Variants in COCH observed in about 807,000 individuals in gnomAD.
The protein encoded by COCH is coagulation factor C homolog, cochlin (Limulus polyphemus).
In COCH, 40 loss-of-function variants were observed where a neutral mutation model predicts 54.8. That is an observed-to-expected ratio of 0.73 (90% CI 0.57 to 0.95). The LOEUF (loss-of-function observed/expected upper bound fraction) is 0.95. COCH is among the 40% of genes least tolerant of loss of function. The probability of loss-of-function intolerance (pLI) is 0.00; values close to 1 mark genes in which losing one functional copy is unlikely to be tolerated. For synonymous variants in COCH, 256 were observed against 237.9 expected (o/e 1.08, Z -0.70); for missense variants, 605 against 675.0 (o/e 0.90, Z 1.15).
rs1895405288 is a variant in COCH, at chr14:30,877,514, A to G, written c.83-58A>G. On this transcript the variant is annotated intron_variant, in intron 3 of 11. Coordinates refer to ENST00000396618, the MANE Select transcript of COCH (RefSeq NM_004086.3). This position sits in a 1 kb window ranked among gnomAD's most constrained non-coding sequence, Gnocchi z 8.6. ...TTAAATCTCACACTGTAGTCTCCCC[A>G]CCACTATGCCCCAAGAAGTCCTAAG... is the stretch of plus-strand genomic sequence containing the variant. 7 of 1,602,296 alleles carry G rather than the reference A, an allele frequency of 4.4e-6. No homozygotes were observed. The East Asian group carries it at 1.6e-4, about 36-fold the overall frequency.
chr14:30,895,201 C>T (rs1896109557), downstream of COCH: 1 of 560,172 alleles, frequency 1.8e-6, no homozygotes, highest in African/African-American at 1.9e-5. Flanking sequence ...ATACTGGAGT[C>T]CTTTTTTCTT....
rs1566404815 is a variant in COCH, at chr14:30,875,063, T to C, written c.42T>C (p.Cys14=). The part of the protein sequence containing the change: ...AWIPALGLGV[C]LLLLPGPAGS... ...ACGCTTCTCTCTTCGCAGGTGTGTG[T>C]CTGCTGCTGCTGCCGGGGCCCGCGG... is the stretch of plus-strand genomic sequence containing the variant. The change falls in exon 3 of 12, where the codon TGT becomes TGC. Residue 14 remains cysteine (C), a synonymous_variant. Transcript: ENST00000396618. 9 of 1,607,260 alleles carry C rather than the reference T, an allele frequency of 5.6e-6. No individual in the cohort carries two copies. Among genetic ancestry groups the C allele is most frequent in the Non-Finnish European group, 7.6e-6 (9 of 1,177,532 alleles).
Position 30,885,398 on chromosome 14 carries a change from A to C in COCH, c.738A>C (p.Lys246Asn). 2 of 1,613,142 alleles carry C rather than the reference A, an allele frequency of 1.2e-6. No homozygotes were observed. Among genetic ancestry groups the C allele is most frequent in the Non-Finnish European group, 8.5e-7 (1 of 1,179,042 alleles). ...GFRGGNSNTG[K>N]ALKHTAQKFF... ...TTGCTTCTTTTTCAAATTTAGGAAA[A>C]GCCTTGAAGCATACTGCTCAGAAAT... Residue 246 changes from lysine to asparagine, a missense_variant, in exon 10 of 12, where the codon AAA becomes AAC. Lys to Asn is a moderately conservative substitution (Grantham distance 94, BLOSUM62 0). Transcript: ENST00000396618.
chr14:30,886,143 C>T lies in COCH; in HGVS notation c.1308C>T (p.Asn436=). 6.2e-7 allele frequency: 1 copy of T among 1,612,616 alleles called. No individual in the cohort carries two copies. The change falls in exon 11 of 12, where the codon AAC becomes AAT. Residue 436 remains asparagine, a synonymous_variant. Coordinates refer to ENST00000396618, the MANE Select transcript of COCH (RefSeq NM_004086.3). The part of the protein sequence containing the change: ...TKENVLAVIR[N]IRYMSGGTAT... ...AGAATGTCCTAGCTGTCATCAGAAACATCCGCTATATGAGTGGTGGAACAG... is the reference window on the plus strand; with the variant it reads ...AGAATGTCCTAGCTGTCATCAGAAATATCCGCTATATGAGTGGTGGAACAG...
chr14:30,882,574 TA>T (rs1245876665), intron 8 of COCH, among the ~76,000 whole-genome samples: 1 of 152,230 alleles, frequency 6.6e-6, no homozygotes, highest in African/African-American at 2.4e-5. Flanking sequence ...TATTTCATAA[TA>T]TTCCGCTGCA....
Position 30,890,145 on chromosome 14 carries a change from AT to A in COCH, c.*356del. 9.9e-7 allele frequency: 1 copy of A among 1,011,482 alleles called. No homozygotes were observed. The highest frequency in any genetic ancestry group is 1.2e-6 in the Non-Finnish European group (1 of 844,938). 62.7% of individuals were successfully genotyped at this position (1,011,482 alleles called of 1,614,324 possible). On this transcript the variant is annotated 3_prime_UTR_variant, in exon 12 of 12. Coordinates refer to ENST00000396618, the MANE Select transcript of COCH (RefSeq NM_004086.3). The stretch of plus-strand genomic sequence containing the variant: ...ATCTGATACTTAGACCAAAAGCAAC[AT>A]TCGTTCTCTAACCATTCTGTATTGA...
intron 11 of COCH, chr14:30,889,090 G>T (rs574976903): frequency 6.5e-6 from 1 of 154,546 alleles, no homozygotes; most frequent in East Asian, 1.9e-4. Flanking sequence ...ATTATCAGAG[G>T]ACTAGTCACC....
intron 11 of COCH, 165 bp from the exon 12 acceptor site, chr14:30,889,451 C>A: frequency 1.5e-6 from 1 of 650,552 alleles, no homozygotes; most frequent in South Asian, 1.9e-5. Context: ...CCACTCTCGT[C>A]ACAATGACTG....
chr14:30,892,378 A>T (rs1228764598), downstream of COCH, among the ~76,000 whole-genome samples: 1 of 152,232 alleles, frequency 6.6e-6, no homozygotes, highest in African/African-American at 2.4e-5. Context: ...TAGGTGCTAG[A>T]AACAATTCTA....
chr14:30,875,087 G>A lies in COCH; in HGVS notation c.66G>A (p.Ala22=). 3.2e-6 allele frequency: 5 copies of A among 1,581,650 alleles called. No homozygotes were observed. The highest frequency in any genetic ancestry group is 1.1e-5 in the South Asian group (1 of 87,878). Residue 22 remains alanine (A), a synonymous_variant, in exon 3 of 12, where the codon GCG becomes GCA. Coordinates refer to ENST00000396618, the MANE Select transcript of COCH (RefSeq NM_004086.3). ...GTCTGCTGCTGCTGCCGGGGCCCGC[G>A]GGCAGCGAGGGAGCCGGTGAGTGGG... ...GVCLLLLPGP[A]GSEGAAPIAI...
At chr14:30,874,813 C>G (rs1895292177) in intron 1 of COCH, 103 bp from the exon 2 acceptor site, 2 of 1,117,956 alleles carry the variant, frequency 1.8e-6, no homozygotes, top group Middle Eastern at 2.1e-4. Context: ...TGTCCTCTCT[C>G]CTCTGCGCCG....
At position 30,885,616 on chromosome 14, in the gene COCH, A is replaced by G; in HGVS notation, c.956A>G (p.Asp319Gly). The G allele has an allele frequency of 6.3e-7, 1 of 1,592,878 alleles. No homozygotes were observed. The highest frequency in any genetic ancestry group is 1.3e-5 in the African/African-American group (1 of 74,592). Residue 319 changes from aspartate (D) to glycine (G), a missense_variant, in exon 10 of 12, where the codon GAC becomes GGC. Transcript: ENST00000396618. ...LGMVQDVTFV[D>G]KAVCRNNGFF... ...ATGGTTCAGGATGTCACATTTGTTG[A>G]CAAGGTAAAGTGGTGAGGGTTATCT...
intron 8 of COCH, among the ~76,000 whole-genome samples, chr14:30,881,212 CAAAAAAAA>C (rs11297000): frequency 2.1e-5 from 2 of 93,442 alleles, no homozygotes; most frequent in African/African-American, 7.6e-5. Flanking sequence ...GACTATGTCT[CAAAAAAAA>C]AAAAAAAAAA....
chr14:30,882,125 T>G lies in COCH; in HGVS notation c.629+1391T>G, dbSNP rs199967283. Among the ~76,000 whole-genome samples, 260 of 97,758 alleles carry G rather than the reference T, an allele frequency of 2.7e-3. 1 individual carries two copies. Among genetic ancestry groups the G allele is most frequent in the Middle Eastern group, 9.5e-3 (2 of 210 alleles). 64.1% of individuals were successfully genotyped at this position (97,758 alleles called of 152,430 possible). ...GAGATAATCACTATAAAATGGTTTT[T>G]TTTTTTTTTTTTTTTTTTTTTTGAG... On this transcript the variant is annotated intron_variant, in intron 8 of 11. Transcript: ENST00000396618.
intron 4 of COCH, 69 bp from the exon 5 acceptor site, chr14:30,878,742 G>A (rs1449490265): frequency 3.7e-6 from 6 of 1,606,818 alleles, no homozygotes; most frequent in Non-Finnish European, 4.3e-6. Context: ...ATACAACATG[G>A]CACTATAAGT....
chr14:30,890,065 T>C lies in COCH; in HGVS notation c.*274T>C. 1 of 1,125,480 alleles carries C rather than the reference T, an allele frequency of 8.9e-7. No individual in the cohort carries two copies. The highest frequency in any genetic ancestry group is 1.1e-6 in the Non-Finnish European group (1 of 916,298). 69.7% of individuals were successfully genotyped at this position (1,125,480 alleles called of 1,614,324 possible). A position where few individuals can be genotyped will look rare whatever the true frequency, so the allele number is the denominator to read the frequency against. On this transcript the variant is annotated 3_prime_UTR_variant, in exon 12 of 12. Transcript: ENST00000396618. ...TAATGTGGATTAAAACCTTAAGAGT[T>C]CTAACCATGCCTACTAAATGTACAG... is the stretch of plus-strand genomic sequence containing the variant.
In COCH at chr14:30,889,729, G is replaced by C. The variant is rs149072811; in HGVS notation, c.1591G>C (p.Glu531Gln). The C allele has an allele frequency of 1.5e-4, 240 of 1,613,862 alleles. No homozygotes were observed. Among genetic ancestry groups the C allele is most frequent in the Admixed American group, 2.0e-4 (12 of 60,026 alleles). Residue 531 changes from glutamate to glutamine, a missense_variant, in exon 12 of 12, where the codon GAA becomes CAA. Coordinates refer to ENST00000396618, the MANE Select transcript of COCH (RefSeq NM_004086.3). ...AFFTREFTGL[E>Q]PIVSDVIRGI... ...CTTCACAAGAGAGTTCACAGGATTA[G>C]AACCAATTGTTTCTGATGTCATCAG...
In COCH at chr14:30,880,490, A is replaced by G; in HGVS notation, c.475A>G (p.Asn159Asp). 1 of 1,614,180 alleles carries G rather than the reference A, an allele frequency of 6.2e-7. No individual in the cohort carries two copies. Among genetic ancestry groups the G allele is most frequent in the East Asian group, 2.2e-5 (1 of 44,874 alleles). ...GAAAACACCCGAGAAGAAAACTGGCAATAAAGGTAAGAATCAAGATCTCCA... is the reference window on the plus strand; with the variant it reads ...GAAAACACCCGAGAAGAAAACTGGCGATAAAGGTAAGAATCAAGATCTCCA... ...LKKTPEKKTG[N>D]KDCKADIAFL... is the part of the protein sequence containing the mutation. Residue 159 changes from asparagine (N) to aspartate (D), a missense_variant, in exon 7 of 12, where the codon AAT (asparagine) becomes GAT (aspartate). By Grantham distance (23) the Asn-to-Asp change is conservative. Coordinates refer to ENST00000396618, the MANE Select transcript of COCH (RefSeq NM_004086.3).
chr14:30,886,183 A>AT lies in COCH; in HGVS notation c.1351dup (p.Ser451PhefsTer5), dbSNP rs1895785742. 1 of 1,610,496 alleles carries AT rather than the reference A, an allele frequency of 6.2e-7. No individual in the cohort carries two copies. The highest frequency in any genetic ancestry group is 8.5e-7 in the Non-Finnish European group (1 of 1,177,406). On this transcript the variant is annotated frameshift_variant, in exon 11 of 12. Transcript: ENST00000396618. LOFTEE classifies it high-confidence loss of function. Reference sequence around the variant, plus strand: ...TGGTGGAACAGCTACTGGTGATGCCATTTCCTTCACTGTTAGAAATGTGTT... The same window carrying AT: ...TGGTGGAACAGCTACTGGTGATGCCATTTTCCTTCACTGTTAGAAATGTGTT...
Sources: gnomAD v4.1 joint callset for allele counts (sites outside exome capture counted in the v4.1 genomes callset) on GRCh38, gnomAD v4.1.1 for gene constraint, Gnocchi (gnomAD v3.1) non-coding constraint, MANE v1.5 for transcripts, NCBI Gene and HGNC (gene_info 2026-07-23, HGNC 2026-07-21) for gene names.